The following SEPTIN10 variants were observed in gnomAD, a reference collection of about 807,000 sequenced individuals.
SEPTIN10 encodes the protein septin 10.
A neutral mutation model predicts 54.8 loss-of-function variants in SEPTIN10; 66 were observed. That is an observed-to-expected ratio of 1.21 (90% CI 0.99 to 1.48). The LOEUF (loss-of-function observed/expected upper bound fraction) is 1.48. Among genes scored for constraint, SEPTIN10 ranks in the 40% most tolerant of loss-of-function variants. The pLI is 0.00. For synonymous variants in SEPTIN10, 161 were observed against 181.0 expected, an observed-to-expected ratio of 0.89 and a Z score of 0.89; for missense variants, 620 against 545.6, an observed-to-expected ratio of 1.14 and a Z score of -1.36.
intron 9 of SEPTIN10, among the ~76,000 whole-genome samples, chr2:109,549,984 A>G (rs183034451): frequency 2.0e-4 from 31 of 152,280 alleles, no homozygotes; most frequent in African/African-American, 6.7e-4. Flanking sequence ...TTTTGTAAAC[A>G]CTACTTTTAA....
chr2:109,612,044 G>A (rs1699371780), intron 1 of SEPTIN10, among the ~76,000 whole-genome samples: 1 of 152,094 alleles, frequency 6.6e-6, no homozygotes, highest in Non-Finnish European at 1.5e-5. Context: ...AATGTTTATA[G>A]CAGCTTTATT....
chr2:109,561,197 C>G (rs903770162), intron 8 of SEPTIN10, among the ~76,000 whole-genome samples: 1 of 152,138 alleles, frequency 6.6e-6, no homozygotes. Flanking sequence ...AACTGATCTT[C>G]TTCCGGAGTC....
At chr2:109,552,882 C>T (rs752394487) in intron 9 of SEPTIN10, 28 of 560,830 alleles carry the variant, frequency 5.0e-5, no homozygotes, top group Admixed American at 1.0e-4. Flanking sequence ...AAATGTACTG[C>T]TTTAAAAAAA....
At chr2:109,553,900 C>T (rs1683732100) in intron 8 of SEPTIN10, among the ~76,000 whole-genome samples, 1 of 151,640 alleles carries the variant, frequency 6.6e-6, no homozygotes, top group Non-Finnish European at 1.5e-5. Flanking sequence ...AATACAAGTG[C>T]TCACCTAATG....
chr2:109,585,008 G>T, intron 4 of SEPTIN10, 118 bp downstream of exon 4: 1 of 466,692 alleles, frequency 2.1e-6, no homozygotes, highest in Non-Finnish European at 3.7e-6. Context: ...TTAAAACAAT[G>T]TGTGGAAGGA....
At position 109,585,185 on chromosome 2, in the gene SEPTIN10, T is replaced by C. The variant is rs1040039734; in HGVS notation, c.354A>G (p.Gln118=). 17 of 1,610,800 alleles carry C rather than the reference T, an allele frequency of 1.1e-5. No individual in the cohort carries two copies. The highest frequency in any genetic ancestry group is 8.4e-5 in the Admixed American group (5 of 59,566). Residue 118 remains glutamine, a synonymous_variant, in exon 4 of 11, where the codon CAA becomes CAG. Coordinates refer to ENST00000397712, the MANE Select transcript of SEPTIN10 (RefSeq NM_144710.5). ...CTGTATTCACAATGGTCAATTTCAA[T>C]TGAACATTACTTTCCTGGAGTTCAT... ...QTYELQESNV[Q]LKLTIVNTVG... is the part of the protein sequence containing the mutation.
chr2:109,585,033 C>T (rs1488218044), intron 4 of SEPTIN10, 93 bp downstream of exon 4: 7 of 615,282 alleles, frequency 1.1e-5, no homozygotes, highest in African/African-American at 3.8e-5. Flanking sequence ...TATGGATTAC[C>T]ATAGGAGAAA....
chr2:109,567,051 A>G (rs1431855347), intron 6 of SEPTIN10, among the ~76,000 whole-genome samples: 1 of 152,194 alleles, frequency 6.6e-6, no homozygotes, highest in Non-Finnish European at 1.5e-5. Flanking sequence ...GTACACTAAT[A>G]TAAAAGTGGT....
At chr2:109,599,220 G>A (rs1696017125) in intron 1 of SEPTIN10, among the ~76,000 whole-genome samples, 3 of 152,076 alleles carry the variant, frequency 2.0e-5, no homozygotes. Context: ...CACTCTGGGA[G>A]GCCAAGACCG....
At position 109,567,838 on chromosome 2, in the gene SEPTIN10, C is replaced by T; in HGVS notation, c.739G>A (p.Ala247Thr). Residue 247 changes from alanine (A) to threonine (T), a missense_variant, in exon 6 of 11, where the codon GCT becomes ACT. Physicochemically the swap from Ala to Thr is moderately conservative, Grantham distance 58. Transcript: ENST00000397712. ...ACATTCATTGCAGCGTTGACCTTAG[C>T]AATAGTGTCATCATCCGTTGGGAAC... Reference protein sequence around the residue: ...YQFPTDDDTIAKVNAAMNGQL... With the variant: ...YQFPTDDDTITKVNAAMNGQL... The T allele has an allele frequency of 6.2e-7, 1 of 1,609,752 alleles. No individual in the cohort carries two copies. The highest frequency in any genetic ancestry group is 8.5e-7 in the Non-Finnish European group (1 of 1,178,484).
At chr2:109,596,004 G>A (rs1695223635) in intron 1 of SEPTIN10, among the ~76,000 whole-genome samples, 1 of 152,106 alleles carries the variant, frequency 6.6e-6, no homozygotes, top group Non-Finnish European at 1.5e-5. Context: ...ATATTATTTT[G>A]ACTTGTCAAG....
intron 1 of SEPTIN10, among the ~76,000 whole-genome samples, chr2:109,595,154 T>C (rs1414761383): frequency 1.3e-5 from 2 of 152,214 alleles, no homozygotes. Context: ...CCCAAAGTGC[T>C]GGGATTACAG....
At chr2:109,579,912 G>C (rs1344590286) in intron 4 of SEPTIN10, among the ~76,000 whole-genome samples, 1 of 151,688 alleles carries the variant, frequency 6.6e-6, no homozygotes, top group Non-Finnish European at 1.5e-5. Context: ...CCTGAGGTCA[G>C]GAGTTTGAGA....
chr2:109,546,056 C>T lies in SEPTIN10; in HGVS notation c.1343G>A (p.Arg448His), dbSNP rs369053227. The change falls in exon 10 of 11, where the codon CGT (arginine) becomes CAT (histidine). Residue 448 changes from arginine to histidine, a missense_variant. By Grantham distance (29) the Arg-to-His change is conservative (BLOSUM62 0). Coordinates refer to ENST00000397712, the MANE Select transcript of SEPTIN10 (RefSeq NM_144710.5). ...GGGTGGCTGGGCCTCTTACTTCTTACGGTCCTTGTCCTTCCTCAGGTTGCT... is the reference window on the plus strand; with the variant it reads ...GGGTGGCTGGGCCTCTTACTTCTTATGGTCCTTGTCCTTCCTCAGGTTGCT... ...TGSNLRKDKD[R>H]KNSNFL The T allele has an allele frequency of 7.8e-5, 123 of 1,573,532 alleles. No homozygotes were observed. The African/African-American group carries it at 1.1e-3, about 15-fold the overall frequency.
chr2:109,586,088 C>T (rs759812622), intron 2 of SEPTIN10, among the ~76,000 whole-genome samples: 10 of 152,098 alleles, frequency 6.6e-5, no homozygotes, highest in Non-Finnish European at 1.3e-4. Flanking sequence ...TTAAAACATT[C>T]GATTTCCAAA....
chr2:109,583,090 A>G (rs562181163), intron 4 of SEPTIN10, among the ~76,000 whole-genome samples: 1 of 152,336 alleles, frequency 6.6e-6, no homozygotes, highest in South Asian at 2.1e-4. Context: ...GAAAACCTAG[A>G]AAGCACCATG....
intron 9 of SEPTIN10, among the ~76,000 whole-genome samples, chr2:109,550,853 C>T (rs1024121132): frequency 5.9e-5 from 9 of 152,070 alleles, no homozygotes; most frequent in South Asian, 2.1e-4. Context: ...ATGGTTGTAA[C>T]GTAGCTGCAT....
chr2:109,574,506 C>A, intron 5 of SEPTIN10, 75 bp downstream of exon 5: 2 of 814,492 alleles, frequency 2.5e-6, no homozygotes, highest in East Asian at 3.4e-5. Flanking sequence ...CAATATATAT[C>A]CATATTGTAA....
At position 109,546,190 on chromosome 2, in the gene SEPTIN10, T is replaced by C; in HGVS notation, c.1209A>G (p.Arg403=). The C allele has an allele frequency of 6.2e-7, 1 of 1,605,620 alleles. No homozygotes were observed. Among genetic ancestry groups the C allele is most frequent in the Non-Finnish European group, 8.5e-7 (1 of 1,176,918 alleles). The change falls in exon 10 of 11, where the codon AGA becomes AGG. Residue 403 remains arginine (R), a synonymous_variant. Coordinates refer to ENST00000397712, the MANE Select transcript of SEPTIN10 (RefSeq NM_144710.5). Reference sequence around the variant, plus strand: ...GTCTTCTCTTTTCTTCAAGCTTCATTCTCTCTTCTTGGTGAAGTCTCTTAA... The same window carrying C: ...GTCTTCTCTTTTCTTCAAGCTTCATCCTCTCTTCTTGGTGAAGTCTCTTAA... The part of the protein sequence containing the change: ...EHLKRLHQEE[R]MKLEEKRRLL...
Sources: allele counts gnomAD v4.1 joint callset (sites outside exome capture counted in the v4.1 genomes callset), GRCh38; gene constraint gnomAD v4.1.1; transcripts MANE v1.5; gene names NCBI Gene and HGNC (gene_info 2026-07-23, HGNC 2026-07-21).